SH3GL3: variants seen among roughly 807,000 people sequenced by gnomAD.
SH3GL3 encodes the protein endophilin-A3.
SH3GL3 carries 33 observed loss-of-function variants against 47.7 expected under a neutral mutation model. The observed-to-expected ratio is 0.69, with a 90% confidence interval of 0.52 to 0.92. The LOEUF (loss-of-function observed/expected upper bound fraction) is 0.92. Ranked by LOEUF, SH3GL3 falls within the 40% of genes least tolerant of loss-of-function variation. SH3GL3 has a pLI of 0.00. For missense variants in SH3GL3, 363 were observed against 417.8 expected (o/e 0.87, Z 1.14); for synonymous variants, 155 against 148.8 (o/e 1.04, Z -0.30).
intron 1 of SH3GL3, among the ~76,000 whole-genome samples, chr15:83,533,969 CTT>C (rs2043796738): frequency 6.6e-6 from 1 of 152,186 alleles, no homozygotes; most frequent in Non-Finnish European, 1.5e-5. Flanking sequence ...ATCTCCTTAA[CTT>C]GGGACTCACT....
chr15:83,615,784 T>A (rs1315062715), intron 8 of SH3GL3, among the ~76,000 whole-genome samples: 1 of 152,186 alleles, frequency 6.6e-6, no homozygotes. Context: ...TATGGATTAT[T>A]TAAGTATGTT....
intron 1 of SH3GL3, among the ~76,000 whole-genome samples, chr15:83,487,203 GTTTTT>G (rs34332284): frequency 7.9e-6 from 1 of 126,758 alleles, no homozygotes; most frequent in African/African-American, 2.8e-5. Flanking sequence ...CGGTTTACCT[GTTTTT>G]TTTTTTTTTT....
In SH3GL3 at chr15:83,588,675, TCCAGTGTCC is replaced by T; in HGVS notation, c.747_755del (p.Ser249_Pro251del). On this transcript the variant is annotated inframe_deletion, in exon 8 of 9. Transcript: ENST00000427482. Reference sequence around the variant, plus strand: ...TGTGTGTTACAGAATATCAGCTGCATCCAGTGTCCCCAGACGAGAATACAAGCCAAGGCC... The same window carrying T: ...TGTGTGTTACAGAATATCAGCTGCATCCAGACGAGAATACAAGCCAAGGCC... The T allele has an allele frequency of 6.2e-7, 1 of 1,606,314 alleles. No homozygotes were observed. The highest frequency in any genetic ancestry group is 8.5e-7 in the Non-Finnish European group (1 of 1,172,916).
At position 83,552,407 on chromosome 15, in the gene SH3GL3, T is replaced by C. The variant is rs569588338; in HGVS notation, c.46-6846T>C. On this transcript the variant is annotated intron_variant, in intron 1 of 8. Coordinates refer to ENST00000427482, the MANE Select transcript of SH3GL3 (RefSeq NM_003027.5). Reference sequence around the variant, plus strand: ...TTGGGGTTTTCTTTTTAATCTGTTATTTAGGACAGAATTTTAAAATTTTGT... The same window carrying C: ...TTGGGGTTTTCTTTTTAATCTGTTACTTAGGACAGAATTTTAAAATTTTGT... Among the ~76,000 whole-genome samples the C allele has an allele frequency of 8.5e-5, 13 of 152,368 alleles. No individual in the cohort carries two copies. The East Asian group carries it at 2.5e-3, about 29-fold the overall frequency.
At chr15:83,466,459 G>A (rs999705551) in intron 1 of SH3GL3, among the ~76,000 whole-genome samples, 2 of 151,836 alleles carry the variant, frequency 1.3e-5, no homozygotes, top group Non-Finnish European at 2.9e-5. Flanking sequence ...TAAGGGAACA[G>A]CAATCACAAA....
intron 1 of SH3GL3, among the ~76,000 whole-genome samples, chr15:83,466,617 A>G (rs1321392553): frequency 6.6e-6 from 1 of 152,218 alleles, no homozygotes; most frequent in Non-Finnish European, 1.5e-5. Flanking sequence ...TTAGGTTTTT[A>G]AGAAACTATC....
intron 1 of SH3GL3, among the ~76,000 whole-genome samples, chr15:83,495,878 C>T (rs2042055333): frequency 6.6e-6 from 1 of 151,800 alleles, no homozygotes; most frequent in Non-Finnish European, 1.5e-5. Flanking sequence ...ATTCTAAGTA[C>T]AAATTTTTAT....
At chr15:83,550,811 T>C (rs2044625663) in intron 1 of SH3GL3, among the ~76,000 whole-genome samples, 1 of 152,234 alleles carries the variant, frequency 6.6e-6, no homozygotes, top group Non-Finnish European at 1.5e-5. Flanking sequence ...TGTTTGTTTG[T>C]TTTACTTTGC....
intron 1 of SH3GL3, among the ~76,000 whole-genome samples, chr15:83,535,857 C>A (rs1335513136): frequency 6.6e-6 from 1 of 152,094 alleles, no homozygotes; most frequent in Non-Finnish European, 1.5e-5. Flanking sequence ...GGGAAGATAT[C>A]AATCTCATCT....
the SH3GL3 span, among the ~76,000 whole-genome samples, chr15:83,628,913 T>C: frequency 6.6e-6 from 1 of 152,064 alleles, no homozygotes; most frequent in African/African-American, 2.4e-5. Flanking sequence ...AAAGTCAACA[T>C]ACAAAAATCA....
intron 2 of SH3GL3, among the ~76,000 whole-genome samples, chr15:83,561,720 A>G (rs2045283195): frequency 6.6e-6 from 1 of 152,138 alleles, no homozygotes; most frequent in Non-Finnish European, 1.5e-5. Context: ...AAAGAAGAAG[A>G]AAGAGGATAT....
chr15:83,593,101 CTTTATAAGT>C (rs2151816096), intron 8 of SH3GL3, among the ~76,000 whole-genome samples: 1 of 152,270 alleles, frequency 6.6e-6, no homozygotes, highest in South Asian at 2.1e-4. Flanking sequence ...ATGACTGTAG[CTTTATAAGT>C]TTTGAGGTCA....
chr15:83,477,669 T>C (rs1488219318), intron 1 of SH3GL3, among the ~76,000 whole-genome samples: 1 of 152,220 alleles, frequency 6.6e-6, no homozygotes, highest in Non-Finnish European at 1.5e-5. Flanking sequence ...AGAAATTCTA[T>C]GCAGAAATTA....
chr15:83,506,885 C>T (rs79564540), intron 1 of SH3GL3, among the ~76,000 whole-genome samples: 2 of 152,070 alleles, frequency 1.3e-5, no homozygotes, highest in East Asian at 3.9e-4. Flanking sequence ...GGCTGGGGAG[C>T]ATCGCAGCTC....
At chr15:83,614,658 A>G (rs2060765769) in intron 8 of SH3GL3, among the ~76,000 whole-genome samples, 1 of 152,178 alleles carries the variant, frequency 6.6e-6, no homozygotes, top group African/African-American at 2.4e-5. Flanking sequence ...TGTGCCACCA[A>G]GTTGAGAACC....
rs945015900 is a variant in SH3GL3, at chr15:83,447,737, G to T, written c.45+159G>T. Among the ~76,000 whole-genome samples, 1 of 152,172 alleles carries T rather than the reference G, an allele frequency of 6.6e-6. No homozygotes were observed. The highest frequency in any genetic ancestry group is 1.5e-5 in the Non-Finnish European group (1 of 68,020). On this transcript the variant is annotated intron_variant, in intron 1 of 8. Transcript: ENST00000427482. The surrounding 1 kb of genome is among the most constrained non-coding windows in gnomAD (Gnocchi z 5.1). ...GCGAGGGTGGGGTGAGGGGCCGCCT[G>T]CTCTCTCCTCGGCGTCTTGGCGCCT...
chr15:83,617,662 C>G (rs943310357), intron 8 of SH3GL3, among the ~76,000 whole-genome samples: 3 of 152,122 alleles, frequency 2.0e-5, no homozygotes, highest in Non-Finnish European at 4.4e-5. Flanking sequence ...GGCAACAGAG[C>G]AAGACTCTGT....
intron 1 of SH3GL3, among the ~76,000 whole-genome samples, chr15:83,552,778 C>T (rs1377266132): frequency 6.6e-6 from 1 of 152,016 alleles, no homozygotes; most frequent in African/African-American, 2.4e-5. Context: ...TTTGATATGT[C>T]AGTTTTCTGA....
chr15:83,562,477 G>A (rs1199817213), intron 2 of SH3GL3, among the ~76,000 whole-genome samples: 1 of 152,138 alleles, frequency 6.6e-6, no homozygotes, highest in Non-Finnish European at 1.5e-5. Flanking sequence ...AGCACTCTAA[G>A]TTATATTTTA....
Sources: gnomAD v4.1 joint callset for allele counts (sites outside exome capture counted in the v4.1 genomes callset) on GRCh38, gnomAD v4.1.1 for gene constraint, Gnocchi (gnomAD v3.1) non-coding constraint, MANE v1.5 for transcripts, NCBI Gene and HGNC (gene_info 2026-07-23, HGNC 2026-07-21) for gene names.